NAA15: variants seen among roughly 807,000 people sequenced by gnomAD.
NAA15 encodes the protein N-terminal acetyltransferase.
In NAA15, 34 loss-of-function variants were observed where a neutral mutation model predicts 114.0. The observed-to-expected ratio is 0.30, with a 90% CI of 0.23 to 0.40. NAA15 has a LOEUF of 0.40. Ranked by LOEUF, NAA15 falls within the 10% of genes least tolerant of loss-of-function variation. The probability of loss-of-function intolerance (pLI) is 1.00; values close to 1 mark genes in which losing one functional copy is unlikely to be tolerated. For missense variants in NAA15, 658 were observed against 1,004.5 expected (o/e 0.66, Z 4.66); for synonymous variants, 340 against 338.0 (o/e 1.01, Z -0.06).
intron 1 of NAA15, among the ~76,000 whole-genome samples, chr4:139,321,722 A>T (rs1259271493): frequency 1.4e-5 from 2 of 147,640 alleles, no homozygotes; most frequent in Admixed American, 6.8e-5. Flanking sequence ...TGACCTCATG[A>T]TCTGCCTGCC....
At chr4:139,346,007 T>C (rs939434048) in intron 6 of NAA15, among the ~76,000 whole-genome samples, 7 of 152,114 alleles carry the variant, frequency 4.6e-5, no homozygotes, top group African/African-American at 1.4e-4. Flanking sequence ...ATGAAACAAA[T>C]GGGGTGCCGG....
rs766751571 is a variant in NAA15, at chr4:139,359,915, T to A, written c.1410+20T>A. On this transcript the variant is annotated intron_variant, in intron 12 of 19. Transcript: ENST00000296543. ...ACAAGGGTTTGTACAGCTAGTGTTCTTAATTATGAATAAAGAAGACATGAG... is the reference window on the plus strand; with the variant it reads ...ACAAGGGTTTGTACAGCTAGTGTTCATAATTATGAATAAAGAAGACATGAG... 6.5e-7 allele frequency: 1 copy of A among 1,549,186 alleles called. No homozygotes were observed. The highest frequency in any genetic ancestry group is 2.4e-5 in the East Asian group (1 of 42,262).
chr4:139,309,718 T>C (rs983117812), intron 1 of NAA15, among the ~76,000 whole-genome samples: 2 of 152,230 alleles, frequency 1.3e-5, no homozygotes, highest in African/African-American at 4.8e-5. Flanking sequence ...AAAAATATTT[T>C]TTAAAAATTC....
chr4:139,350,565 T>G (rs1345312180), intron 7 of NAA15, among the ~76,000 whole-genome samples: 6 of 152,254 alleles, frequency 3.9e-5, no homozygotes, highest in African/African-American at 1.2e-4. Context: ...TGATCTGATT[T>G]GTTTCCTTCA....
In NAA15 at chr4:139,386,122, C is replaced by A. The variant is rs756302345; in HGVS notation, c.2303-11C>A. Reference sequence around the variant, plus strand: ...ACCTTGAAATAAATTTCCTATTTCCCTCTCATTTAGCTGCCAAAATGGTAT... The same window carrying A: ...ACCTTGAAATAAATTTCCTATTTCCATCTCATTTAGCTGCCAAAATGGTAT... On this transcript the variant is annotated splice_polypyrimidine_tract_variant and intron_variant, in intron 18 of 19. Coordinates refer to ENST00000296543, the MANE Select transcript of NAA15 (RefSeq NM_057175.5). The A allele has an allele frequency of 6.7e-7, 1 of 1,492,146 alleles. No individual in the cohort carries two copies. Among genetic ancestry groups the A allele is most frequent in the Non-Finnish European group, 9.2e-7 (1 of 1,092,102 alleles). The allele number at this position is 1,492,146 out of a possible 1,614,324, so 92.4% of individuals were successfully genotyped here. A position where few individuals can be genotyped will look rare whatever the true frequency, so the allele number is the denominator to read the frequency against.
chr4:139,360,398 G>C (rs1007786212), intron 12 of NAA15, 102 bp from the exon 13 acceptor site: 1 of 1,102,310 alleles, frequency 9.1e-7, no homozygotes, highest in African/African-American at 1.6e-5. Flanking sequence ...AAATTTTTTT[G>C]AAAGAGTCCC....
chr4:139,339,527 G>A (rs1747316629), intron 3 of NAA15, among the ~76,000 whole-genome samples: 2 of 151,694 alleles, frequency 1.3e-5, no homozygotes, highest in Admixed American at 1.3e-4. Flanking sequence ...GAGGCGGGCG[G>A]ATCACGAGAT....
intron 9 of NAA15, among the ~76,000 whole-genome samples, chr4:139,352,253 C>T (rs1185948506): frequency 1.3e-5 from 2 of 151,884 alleles, no homozygotes; most frequent in Admixed American, 1.3e-4. Context: ...GGATTACAGG[C>T]GCGTACTACC....
At position 139,390,600 on chromosome 4, in the gene NAA15, T is replaced by G. The variant is rs879908724; in HGVS notation, c.*2516T>G. ...GAAGAAAGGGTCTCTTGACCTGTAT[T>G]AACATAGGAAAGTAAAGTTCTTTTT... On this transcript the variant is annotated 3_prime_UTR_variant, in exon 20 of 20. Coordinates refer to ENST00000296543, the MANE Select transcript of NAA15 (RefSeq NM_057175.5). 1.3e-5 allele frequency: 2 copies of G among 152,688 alleles called. No individual in the cohort carries two copies. Among genetic ancestry groups the G allele is most frequent in the Non-Finnish European group, 2.9e-5 (2 of 68,034 alleles). 9.5% of individuals were successfully genotyped at this position (152,688 alleles called of 1,614,324 possible). A position where few individuals can be genotyped will look rare whatever the true frequency, so the allele number is the denominator to read the frequency against.
intron 1 of NAA15, among the ~76,000 whole-genome samples, chr4:139,324,833 A>G (rs1746739844): frequency 6.6e-6 from 1 of 152,222 alleles, no homozygotes; most frequent in South Asian, 2.1e-4. Flanking sequence ...CATTTCGTGA[A>G]AAAAATTGAG....
In NAA15 at chr4:139,371,662, C is replaced by T. The variant is rs1282898621; in HGVS notation, c.1947+1258C>T. Reference sequence around the variant, plus strand: ...TTATTGTTGGGAATTTATTGGAAGACTGCACAGGGAAGCAAGAAAGCACAG... The same window carrying T: ...TTATTGTTGGGAATTTATTGGAAGATTGCACAGGGAAGCAAGAAAGCACAG... On this transcript the variant is annotated intron_variant, in intron 15 of 19. Transcript: ENST00000296543. Among the ~76,000 whole-genome samples, 3 of 151,970 alleles carry T rather than the reference C, an allele frequency of 2.0e-5. No homozygotes were observed. In the East Asian group the frequency reaches 5.8e-4, roughly 29 times the overall value.
intron 7 of NAA15, among the ~76,000 whole-genome samples, chr4:139,350,677 T>C (rs1747747917): frequency 1.3e-5 from 2 of 152,194 alleles, no homozygotes; most frequent in South Asian, 4.1e-4. Context: ...CAAGGAATGG[T>C]AATCACCACT....
At chr4:139,371,409 C>G (rs1423176099) in intron 15 of NAA15, among the ~76,000 whole-genome samples, 1 of 148,866 alleles carries the variant, frequency 6.7e-6, no homozygotes, top group Admixed American at 6.8e-5. Context: ...ACACTGTGAG[C>G]TATGATCATG....
intron 18 of NAA15, 150 bp from the exon 19 acceptor site, chr4:139,385,983 A>G (rs1748900158): frequency 2.1e-6 from 1 of 486,162 alleles, no homozygotes; most frequent in East Asian, 3.3e-5. Flanking sequence ...TATTTTTTGA[A>G]TAACAGTATC....
rs1749032619 is a variant in NAA15 at position 139,390,500 on chromosome 4, A to G, written c.*2416A>G. The G allele has an allele frequency of 6.5e-6, 1 of 152,690 alleles. No individual in the cohort carries two copies. The highest frequency in any genetic ancestry group is 6.5e-5 in the Admixed American group (1 of 15,280). The allele number at this position is 152,690 out of a possible 1,614,324, so 9.5% of individuals were successfully genotyped here. A position where few individuals can be genotyped will look rare whatever the true frequency, so the allele number is the denominator to read the frequency against. On this transcript the variant is annotated 3_prime_UTR_variant, in exon 20 of 20. Transcript: ENST00000296543. ...AACAGGGTTAGAAAAACAAGTGGAA[A>G]AAATGGAGTGATGTTGTAATCTAAA...
chr4:139,362,726 C>T (rs1018442420), intron 14 of NAA15, among the ~76,000 whole-genome samples: 6 of 152,028 alleles, frequency 3.9e-5, no homozygotes, highest in African/African-American at 1.4e-4. Flanking sequence ...TTTAATGTAC[C>T]GTTTTTATAG....
Position 139,301,562 on chromosome 4 carries a change from G to A in NAA15, c.-216G>A, listed in dbSNP as rs536644156. ...TGAACCGCCGACGGAGACCCGTAGTGGGGGAGGCGGCGGCAGCGTTAAGTG... is the reference window on the plus strand; with the variant it reads ...TGAACCGCCGACGGAGACCCGTAGTAGGGGAGGCGGCGGCAGCGTTAAGTG... On this transcript the variant is annotated 5_prime_UTR_variant, in exon 1 of 20. Transcript: ENST00000296543. 4 of 589,874 alleles carry A rather than the reference G, an allele frequency of 6.8e-6. No individual in the cohort carries two copies. The highest frequency in any genetic ancestry group is 1.2e-5 in the Non-Finnish European group (4 of 335,968). 36.5% of individuals were successfully genotyped at this position (589,874 alleles called of 1,614,324 possible). A position where few individuals can be genotyped will look rare whatever the true frequency, so the allele number is the denominator to read the frequency against.
At chr4:139,375,796 A>T (rs971052392) in intron 15 of NAA15, among the ~76,000 whole-genome samples, 2 of 151,266 alleles carry the variant, frequency 1.3e-5, no homozygotes, top group Admixed American at 6.6e-5. Flanking sequence ...TATGACATTT[A>T]TGTAATTAAT....
intron 10 of NAA15, 137 bp from the exon 11 acceptor site, chr4:139,357,246 TAGG>T: frequency 1.4e-6 from 1 of 700,706 alleles, no homozygotes. Context: ...CTTATAAACT[TAGG>T]AGGAGTTTTA....
Sources: gnomAD v4.1 joint callset for allele counts (sites outside exome capture counted in the v4.1 genomes callset) on GRCh38, gnomAD v4.1.1 for gene constraint, MANE v1.5 for transcripts, NCBI Gene and HGNC (gene_info 2026-07-23, HGNC 2026-07-21) for gene names.